The following SMARCA4 variants were observed in gnomAD, a reference collection of about 807,000 sequenced individuals.
The protein encoded by SMARCA4 is SWI/SNF related BAF chromatin remodeling complex subunit ATPase 4.
Under a neutral mutation model 193.9 loss-of-function variants are expected in SMARCA4, and 31 were observed. The observed-to-expected ratio is 0.16, with a 90% CI of 0.12 to 0.22. The LOEUF (loss-of-function observed/expected upper bound fraction) is 0.22. Among genes scored for constraint, SMARCA4 ranks in the 10% least tolerant of loss-of-function variants. SMARCA4 has a pLI of 1.00. For synonymous variants in SMARCA4, 942 were observed against 933.1 expected (o/e 1.01, Z -0.17); for missense variants, 1,148 against 2,296.0 (o/e 0.50, Z 10.22).
rs770548403 is a variant in SMARCA4, at chr19:11,012,990, C to T, written c.2316C>T (p.Asn772=). Reference sequence around the variant, plus strand: ...GGCTGGTGTCCCTGTACAACAACAACCTGAACGGCATCCTGGCCGACGAGA... The same window carrying T: ...GGCTGGTGTCCCTGTACAACAACAATCTGAACGGCATCCTGGCCGACGAGA... ...LEWLVSLYNN[N]LNGILADEMG... The change falls in exon 16 of 35, where the codon AAC becomes AAT. Residue 772 remains asparagine (N), a synonymous_variant. Coordinates refer to ENST00000344626, the MANE Select transcript of SMARCA4 (RefSeq NM_003072.5). 1.2e-6 allele frequency: 2 copies of T among 1,614,134 alleles called. No homozygotes were observed. The highest frequency in any genetic ancestry group is 1.1e-5 in the South Asian group (1 of 91,080).
chr19:11,041,258 T>C lies in SMARCA4; in HGVS notation c.4171-49T>C, dbSNP rs2075592596. The C allele has an allele frequency of 6.4e-7, 1 of 1,567,714 alleles. No individual in the cohort carries two copies. Among genetic ancestry groups the C allele is most frequent in the African/African-American group, 1.4e-5 (1 of 73,832 alleles). On this transcript the variant is annotated intron_variant, in intron 29 of 34. Coordinates refer to ENST00000344626, the MANE Select transcript of SMARCA4 (RefSeq NM_003072.5). This position sits in a 1 kb window ranked among gnomAD's most constrained non-coding sequence, Gnocchi z 5.6. ...CTGGGATTGCGTCGCGGCCTCTGCT[T>C]GTCGACCTGGGTGCTGGCTGTCCTA...
chr19:10,986,814 G>A lies in SMARCA4; in HGVS notation c.761-91G>A, dbSNP rs533819600. The A allele has an allele frequency of 4.8e-5, 62 of 1,284,022 alleles. No individual in the cohort carries two copies. In the South Asian group the frequency reaches 6.2e-4, roughly 13 times the overall value. 79.5% of individuals were successfully genotyped at this position (1,284,022 alleles called of 1,614,324 possible). On this transcript the variant is annotated intron_variant, in intron 4 of 34. Coordinates refer to ENST00000344626, the MANE Select transcript of SMARCA4 (RefSeq NM_003072.5). This position sits in a 1 kb window ranked among gnomAD's most constrained non-coding sequence, Gnocchi z 6.7. ...CCGCTGGTTAATAGGTGTATCTGCT[G>A]TGTCCCCTGGAGCCAGGGCTGCCCA...
intron 13 of SMARCA4, among the ~76,000 whole-genome samples, chr19:11,006,336 A>G (rs1007536986): frequency 5.3e-5 from 8 of 152,280 alleles, no homozygotes; most frequent in Non-Finnish European, 1.0e-4. Flanking sequence ...AAGTTCGTAG[A>G]TAACTTGCAG....
In SMARCA4 at chr19:11,061,987, T is replaced by C; in HGVS notation, c.*171T>C. ...GAGAAGCTGTAGGACTGTTTGTGAC[T>C]GGCCCTGTCCTGGCATCAGTAGCAT... On this transcript the variant is annotated 3_prime_UTR_variant, in exon 35 of 35. Coordinates refer to ENST00000344626, the MANE Select transcript of SMARCA4 (RefSeq NM_003072.5). 1 of 688,172 alleles carries C rather than the reference T, an allele frequency of 1.5e-6. No individual in the cohort carries two copies. Among genetic ancestry groups the C allele is most frequent in the Non-Finnish European group, 2.6e-6 (1 of 380,956 alleles). The allele number at this position is 688,172 out of a possible 1,614,324, so 42.6% of individuals were successfully genotyped here.
At chr19:10,983,024 TG>T (rs2085689612) in intron 1 of SMARCA4, among the ~76,000 whole-genome samples, 1 of 152,158 alleles carries the variant, frequency 6.6e-6, no homozygotes, top group African/African-American at 2.4e-5. Context: ...TTTTAGAATT[TG>T]TGTTTTAAAG....
chr19:11,023,943 C>G (rs1026299126), intron 20 of SMARCA4, among the ~76,000 whole-genome samples: 1 of 152,234 alleles, frequency 6.6e-6, no homozygotes, highest in Admixed American at 6.5e-5. Flanking sequence ...TGCCCCCCGG[C>G]CCCCCATCAT....
chr19:10,974,850 G>A (rs1474816455), intron 1 of SMARCA4, among the ~76,000 whole-genome samples: 5 of 148,084 alleles, frequency 3.4e-5, no homozygotes, highest in Admixed American at 1.4e-4. Context: ...GTGATTACAG[G>A]TGCCCACCAC....
At chr19:10,964,469 C>T (rs1249523653) in intron 1 of SMARCA4, among the ~76,000 whole-genome samples, 1 of 151,828 alleles carries the variant, frequency 6.6e-6, no homozygotes, top group African/African-American at 2.4e-5. Flanking sequence ...CACCACCACA[C>T]CTGGCTAAGT....
chr19:11,035,748 G>A (rs769366644), intron 29 of SMARCA4, among the ~76,000 whole-genome samples: 2 of 152,222 alleles, frequency 1.3e-5, no homozygotes, highest in East Asian at 3.8e-4. Flanking sequence ...TGAGTCAGTC[G>A]TGCGGTGCTC....
At chr19:10,996,608 C>A in intron 11 of SMARCA4, 64 bp downstream of exon 11, 2 of 1,424,766 alleles carry the variant, frequency 1.4e-6, no homozygotes, top group Non-Finnish European at 2.0e-6. Context: ...CTGTTTCAGA[C>A]TTTAAAACCT....
At chr19:11,048,371 A>C (rs2146940056) in intron 30 of SMARCA4, among the ~76,000 whole-genome samples, 1 of 152,282 alleles carries the variant, frequency 6.6e-6, no homozygotes, top group Non-Finnish European at 1.5e-5. Flanking sequence ...AGCTGGGATT[A>C]CAGGTGCACA....
intron 30 of SMARCA4, among the ~76,000 whole-genome samples, chr19:11,049,339 C>T (rs927476042): frequency 1.3e-5 from 2 of 152,020 alleles, no homozygotes; most frequent in African/African-American, 2.4e-5. Flanking sequence ...TGCCAGAAAT[C>T]GAAACCAGAA....
chr19:11,009,872 A>G (rs1379517001), intron 14 of SMARCA4, among the ~76,000 whole-genome samples: 1 of 152,094 alleles, frequency 6.6e-6, no homozygotes, highest in Non-Finnish European at 1.5e-5. Context: ...TATTTTTAGT[A>G]GAGACGGGGT....
intron 30 of SMARCA4, among the ~76,000 whole-genome samples, chr19:11,045,803 G>A (rs2075870136): frequency 6.6e-6 from 1 of 152,176 alleles, no homozygotes; most frequent in African/African-American, 2.4e-5. Flanking sequence ...AAAACTTTCG[G>A]CTGGGCACAG....
intron 14 of SMARCA4, chr19:11,008,303 C>T (rs2088442895): frequency 5.0e-6 from 2 of 399,862 alleles, no homozygotes; most frequent in African/African-American, 2.0e-5. Context: ...CCGGCTCCCT[C>T]CCTTTCCACT....
chr19:11,058,650 G>C lies in SMARCA4; in HGVS notation c.4534-138G>C, dbSNP rs2076682145. Reference sequence around the variant, plus strand: ...GCAGTTCCCATGCCTAGTGAGCCAGGTTACCGAGGCTGGCGCTTCGGCCAC... The same window carrying C: ...GCAGTTCCCATGCCTAGTGAGCCAGCTTACCGAGGCTGGCGCTTCGGCCAC... On this transcript the variant is annotated intron_variant, in intron 31 of 34. Transcript: ENST00000344626. This position sits in a 1 kb window ranked among gnomAD's most constrained non-coding sequence, Gnocchi z 5.8. 1.3e-6 allele frequency: 1 copy of C among 759,084 alleles called. No individual in the cohort carries two copies. Among genetic ancestry groups the C allele is most frequent in the South Asian group, 1.5e-5 (1 of 68,238 alleles). 47.0% of individuals were successfully genotyped at this position (759,084 alleles called of 1,614,324 possible).
chr19:11,031,017 G>C lies in SMARCA4; in HGVS notation c.3546+124G>C. On this transcript the variant is annotated intron_variant, in intron 25 of 34. Coordinates refer to ENST00000344626, the MANE Select transcript of SMARCA4 (RefSeq NM_003072.5). The surrounding 1 kb of genome is among the most constrained non-coding windows in gnomAD (Gnocchi z 4.3). ...CATTGTCTTGGACCCCAGGAGCCGG[G>C]AGGAGCTGCACCCATATCTCCATAG... The C allele has an allele frequency of 2.2e-6, 2 of 906,182 alleles. No individual in the cohort carries two copies. Among genetic ancestry groups the C allele is most frequent in the South Asian group, 2.8e-5 (2 of 70,942 alleles). The allele number at this position is 906,182 out of a possible 1,614,324, so 56.1% of individuals were successfully genotyped here.
chr19:11,017,232 A>AG (rs1280119272), intron 16 of SMARCA4, among the ~76,000 whole-genome samples: 3 of 152,204 alleles, frequency 2.0e-5, no homozygotes, highest in African/African-American at 7.2e-5. Flanking sequence ...ACAGTTTCAG[A>AG]GTAGTGAGCC....
intron 34 of SMARCA4, among the ~76,000 whole-genome samples, chr19:11,061,311 G>A (rs956617179): frequency 6.7e-5 from 10 of 149,672 alleles, no homozygotes; most frequent in Non-Finnish European, 1.3e-4. Flanking sequence ...CAGGGGCCAA[G>A]GGCCAGGCAG....
Sources: gnomAD v4.1 joint callset for allele counts (sites outside exome capture counted in the v4.1 genomes callset) on GRCh38, gnomAD v4.1.1 for gene constraint, Gnocchi (gnomAD v3.1) non-coding constraint, MANE v1.5 for transcripts, NCBI Gene and HGNC (gene_info 2026-07-23, HGNC 2026-07-21) for gene names.